HELZ: variants seen among roughly 807,000 people sequenced by gnomAD.
HELZ encodes the protein helicase with zinc finger, also known as ATP-dependent RNA helicase with zinc finger domain.
In HELZ, 23 loss-of-function variants were observed where a neutral mutation model predicts 218.2. The observed-to-expected ratio is 0.11, with a 90% CI of 0.08 to 0.15. The LOEUF (loss-of-function observed/expected upper bound fraction) is 0.15, where lower values mean the gene tolerates loss of function less well. HELZ is among the 10% of genes least tolerant of loss of function. HELZ has a pLI of 1.00. For synonymous variants in HELZ, 814 were observed against 829.4 expected, an observed-to-expected ratio of 0.98 and a Z score of 0.32; for missense variants, 1,813 against 2,353.7, an observed-to-expected ratio of 0.77 and a Z score of 4.75.
In HELZ at chr17:67,173,320, T is replaced by C. The variant is rs946954665; in HGVS notation, c.1430+5339A>G. Among the ~76,000 whole-genome samples the C allele has an allele frequency of 3.8e-4, 58 of 152,300 alleles. 1 individual carries two copies. The highest frequency in any genetic ancestry group is 1.3e-3 in the African/African-American group (55 of 41,574). On this transcript the variant is annotated intron_variant, in intron 13 of 32. Coordinates refer to ENST00000358691, the MANE Select transcript of HELZ (RefSeq NM_014877.4). ...AGAAATACCTAAACTAGAAAATATA[T>C]CCTACAATTAAGAAAGATATTTCTT...
chr17:67,245,483 C>A, upstream of HELZ: 1 of 985,780 alleles, frequency 1.0e-6, no homozygotes, highest in Non-Finnish European at 1.2e-6. Flanking sequence ...CGTTCCTGCC[C>A]GGGCAGACGC....
intron 3 of HELZ, among the ~76,000 whole-genome samples, chr17:67,226,839 G>C (rs1399390056): frequency 1.3e-5 from 2 of 152,106 alleles, no homozygotes; most frequent in Non-Finnish European, 2.9e-5. Flanking sequence ...GCAATAACTT[G>C]AATTAATCTC....
intron 28 of HELZ, among the ~76,000 whole-genome samples, chr17:67,112,205 T>C (rs953219804): frequency 2.0e-5 from 3 of 152,180 alleles, no homozygotes; most frequent in African/African-American, 7.2e-5. Flanking sequence ...TTCTTTTATT[T>C]TTCCTGGGCC....
intron 7 of HELZ, among the ~76,000 whole-genome samples, chr17:67,197,447 T>G (rs1203203115): frequency 1.3e-5 from 2 of 152,216 alleles, no homozygotes; most frequent in African/African-American, 4.8e-5. Context: ...CTCACACTTC[T>G]GCCCCCCTGA....
At chr17:67,099,828 C>A (rs1001951169) in intron 31 of HELZ, among the ~76,000 whole-genome samples, 29 of 150,266 alleles carry the variant, frequency 1.9e-4, no homozygotes, top group Admixed American at 2.6e-4. Context: ...GCTAAATACA[C>A]TAGTTGAAAT....
chr17:67,173,002 C>G (rs1185766388), intron 13 of HELZ: 1 of 962,260 alleles, frequency 1.0e-6, no homozygotes, highest in Non-Finnish European at 1.2e-6. Context: ...GTTAATCTCA[C>G]AGTTTAGAGC....
At chr17:67,222,049 C>T (rs2040761519) in intron 3 of HELZ, among the ~76,000 whole-genome samples, 1 of 151,876 alleles carries the variant, frequency 6.6e-6, no homozygotes, top group African/African-American at 2.4e-5. Context: ...AATGTGTGGC[C>T]TAGCCTAGTC....
chr17:67,157,938 G>A (rs2038890327), intron 17 of HELZ, among the ~76,000 whole-genome samples: 1 of 152,138 alleles, frequency 6.6e-6, no homozygotes. Context: ...CTGATCTTGA[G>A]AACCACACAC....
chr17:67,184,006 T>C (rs62074264), intron 12 of HELZ, among the ~76,000 whole-genome samples: 1 of 148,052 alleles, frequency 6.8e-6, no homozygotes, highest in Non-Finnish European at 1.5e-5. Context: ...GACAGTAATA[T>C]TTAAAAAAAA....
At chr17:67,182,819 C>T (rs544919454) in intron 12 of HELZ, among the ~76,000 whole-genome samples, 1 of 152,284 alleles carries the variant, frequency 6.6e-6, no homozygotes, top group African/African-American at 2.4e-5. Context: ...TGCATTTCAA[C>T]CACATCTTTA....
chr17:67,113,421 G>A lies in HELZ; in HGVS notation c.3918+903C>T, dbSNP rs985900614. ...ACTACAGGCGCCCGCCACCACGCCCGGCTAATTTTTTTGTATTTTTAGTAG... is the reference window on the plus strand; with the variant it reads ...ACTACAGGCGCCCGCCACCACGCCCAGCTAATTTTTTTGTATTTTTAGTAG... On this transcript the variant is annotated intron_variant, in intron 28 of 32. Coordinates refer to ENST00000358691, the MANE Select transcript of HELZ (RefSeq NM_014877.4). Among the ~76,000 whole-genome samples the A allele has an allele frequency of 8.6e-5, 13 of 151,998 alleles. No homozygotes were observed. The East Asian group carries it at 1.7e-3, about 20-fold the overall frequency.
In HELZ at chr17:67,218,617, C is replaced by T. The variant is rs752379724; in HGVS notation, c.188G>A (p.Arg63Lys). The change falls in exon 4 of 33, where the codon AGA (arginine) becomes AAA (lysine). Residue 63 changes from arginine (R) to lysine (K), a missense_variant. By Grantham distance (26) the Arg-to-Lys change is conservative. This residue lies in a region of HELZ where 714 missense variants were observed against 1,029.2 expected (regional missense o/e 0.69). Transcript: ENST00000358691. Reference protein sequence around the residue: ...ERIKIESLLYRIASFLQLKNY... With the variant: ...ERIKIESLLYKIASFLQLKNY... The stretch of plus-strand genomic sequence containing the variant: ...CACCAGTTGCAAAAATGAGGCAATT[C>T]TGTAGAGAAGACTCTCGATTTTGAT... The T allele has an allele frequency of 6.2e-7, 1 of 1,614,102 alleles. No individual in the cohort carries two copies. The highest frequency in any genetic ancestry group is 1.1e-5 in the South Asian group (1 of 91,080).
chr17:67,186,735 C>T (rs2039765845), intron 12 of HELZ, among the ~76,000 whole-genome samples: 1 of 152,110 alleles, frequency 6.6e-6, no homozygotes, highest in Non-Finnish European at 1.5e-5. Context: ...AGCCACTAAC[C>T]TACAAGCAAA....
chr17:67,153,329 T>C (rs1170226312), intron 17 of HELZ, among the ~76,000 whole-genome samples: 2 of 152,094 alleles, frequency 1.3e-5, no homozygotes, highest in African/African-American at 4.8e-5. Flanking sequence ...AAGAACAGTT[T>C]AGAATGGGAG....
At chr17:67,168,992 T>C (rs2039232094) in intron 13 of HELZ, among the ~76,000 whole-genome samples, 1 of 152,132 alleles carries the variant, frequency 6.6e-6, no homozygotes, top group Admixed American at 6.5e-5. Flanking sequence ...CTCAGGAGGC[T>C]GAGGCAGGAA....
At chr17:67,138,690 A>G (rs1345373087) in intron 21 of HELZ, among the ~76,000 whole-genome samples, 1 of 152,244 alleles carries the variant, frequency 6.6e-6, no homozygotes, top group Non-Finnish European at 1.5e-5. Flanking sequence ...AGACTTTCAG[A>G]ATTCACTGCC....
chr17:67,131,187 C>A (rs374207460), intron 23 of HELZ, among the ~76,000 whole-genome samples: 20 of 152,200 alleles, frequency 1.3e-4, no homozygotes, highest in African/African-American at 4.8e-4. Context: ...TGTACGCAGC[C>A]TCTAGCTCAA....
chr17:67,156,238 C>G (rs1300935303), intron 17 of HELZ, among the ~76,000 whole-genome samples: 3 of 151,724 alleles, frequency 2.0e-5, no homozygotes, highest in Non-Finnish European at 2.9e-5. Flanking sequence ...AAAACAAAAG[C>G]TAATTATTTG....
chr17:67,089,668 T>TATAGAGAGAGAGAGAGAGAGAG (rs71293575), intron 31 of HELZ, among the ~76,000 whole-genome samples: 1 of 70,638 alleles, frequency 1.4e-5, no homozygotes, highest in Non-Finnish European at 2.6e-5. Context: ...TATATATATA[T>TATAGAGAGAGAGAGAGAGAGAG]AGAGAGAGAG....
Sources: gnomAD v4.1 joint callset for allele counts (sites outside exome capture counted in the v4.1 genomes callset) on GRCh38, gnomAD v4.1.1 for gene constraint, gnomAD v4.1.1 regional missense constraint, MANE v1.5 for transcripts, NCBI Gene and HGNC (gene_info 2026-07-23, HGNC 2026-07-21) for gene names.